RAP1GDS1: variants seen among roughly 807,000 people sequenced by gnomAD.
RAP1GDS1 encodes the protein RAP1, GTP-GDP dissociation stimulator 1.
RAP1GDS1 carries 35 observed loss-of-function variants against 71.1 expected under a neutral mutation model. The ratio of observed to expected loss-of-function variants is 0.49; its 90% CI spans 0.38 to 0.65. RAP1GDS1 has a LOEUF of 0.65. Among genes scored for constraint, RAP1GDS1 ranks in the 30% least tolerant of loss-of-function variants. The pLI, the probability that RAP1GDS1 is intolerant of heterozygous loss-of-function variation, is 0.00. For synonymous variants in RAP1GDS1, 229 were observed against 243.1 expected (o/e 0.94, Z 0.54); for missense variants, 663 against 706.1 (o/e 0.94, Z 0.69).
At chr4:98,313,244 T>G (rs1372465857) in intron 2 of RAP1GDS1, among the ~76,000 whole-genome samples, 1 of 152,102 alleles carries the variant, frequency 6.6e-6, no homozygotes, top group African/African-American at 2.4e-5. Flanking sequence ...GTAAGGTGTG[T>G]TGTTTATTCT....
intron 14 of RAP1GDS1, among the ~76,000 whole-genome samples, chr4:98,438,831 G>A (rs540159734): frequency 4.6e-5 from 7 of 151,814 alleles, no homozygotes; most frequent in African/African-American, 1.4e-4. Context: ...CTGACCACCC[G>A]TCAGGGTGAT....
intron 2 of RAP1GDS1, 149 bp downstream of exon 2, chr4:98,293,664 A>G (rs1727286645): frequency 1.5e-6 from 1 of 657,990 alleles, no homozygotes; most frequent in Non-Finnish European, 2.6e-6. Context: ...ATTGTTTTAC[A>G]TGTTCTACCC....
At chr4:98,426,074 C>G (rs1749565732) in intron 12 of RAP1GDS1, among the ~76,000 whole-genome samples, 2 of 152,044 alleles carry the variant, frequency 1.3e-5, no homozygotes, top group African/African-American at 4.8e-5. Flanking sequence ...CAAAAGGAAC[C>G]TTCAAAGCCA....
At chr4:98,396,403 G>C (rs146081850) in intron 6 of RAP1GDS1, 7 of 152,286 alleles carry the variant, frequency 4.6e-5, no homozygotes, top group African/African-American at 1.7e-4. Flanking sequence ...GATTTCTCTG[G>C]TATACAGGGA....
At chr4:98,367,910 G>A (rs1739759506) in intron 4 of RAP1GDS1, among the ~76,000 whole-genome samples, 1 of 152,142 alleles carries the variant, frequency 6.6e-6, no homozygotes, top group Admixed American at 6.5e-5. Flanking sequence ...TTGGACTGTG[G>A]ACTTTTGAGT....
chr4:98,420,250 A>G lies in RAP1GDS1; in HGVS notation c.1300+106A>G, dbSNP rs1748623563. On this transcript the variant is annotated intron_variant, in intron 11 of 14. Transcript: ENST00000408927. ...AGCTTTTAGGATTATGTAATCATAAAAAATAGCAAATAAAAGATTTAAAAG... is the reference window on the plus strand; with the variant it reads ...AGCTTTTAGGATTATGTAATCATAAGAAATAGCAAATAAAAGATTTAAAAG... 5.4e-6 allele frequency: 6 copies of G among 1,110,902 alleles called. 1 individual carries two copies. The Admixed American group carries it at 1.3e-4, about 24-fold the overall frequency. 68.8% of individuals were successfully genotyped at this position (1,110,902 alleles called of 1,614,324 possible).
chr4:98,378,865 G>T lies in RAP1GDS1; in HGVS notation c.362-152G>T, dbSNP rs374682257. The T allele has an allele frequency of 2.0e-3, 1,366 of 698,010 alleles. 99 individuals are homozygous for T. Among genetic ancestry groups the T allele is most frequent in the Middle Eastern group, 9.4e-3 (22 of 2,330 alleles). The allele number at this position is 698,010 out of a possible 1,614,324, so 43.2% of individuals were successfully genotyped here. ...CCCCATTTCCATGTTTATTTCTTTT[G>T]TTTTTTTCTGAAAAGACATATTTAA... On this transcript the variant is annotated intron_variant, in intron 4 of 14. Coordinates refer to ENST00000408927, the MANE Select transcript of RAP1GDS1 (RefSeq NM_001100427.2).
At chr4:98,353,213 A>G (rs1737476607) in intron 4 of RAP1GDS1, among the ~76,000 whole-genome samples, 1 of 152,204 alleles carries the variant, frequency 6.6e-6, no homozygotes, top group South Asian at 2.1e-4. Context: ...CTTTCTACAT[A>G]TAAACAAAAT....
intron 2 of RAP1GDS1, among the ~76,000 whole-genome samples, chr4:98,319,944 C>A (rs1731544513): frequency 6.6e-6 from 1 of 152,118 alleles, no homozygotes; most frequent in Admixed American, 6.6e-5. Flanking sequence ...ACCAAACCCT[C>A]CTCTTCATCT....
chr4:98,275,261 AT>A (rs751053833), intron 1 of RAP1GDS1, among the ~76,000 whole-genome samples: 2 of 152,168 alleles, frequency 1.3e-5, no homozygotes, highest in East Asian at 3.9e-4. Context: ...TGCTTCTCTT[AT>A]TTTGACAGGA....
chr4:98,310,813 A>G (rs1730115413), intron 2 of RAP1GDS1, among the ~76,000 whole-genome samples: 2 of 152,162 alleles, frequency 1.3e-5, no homozygotes. Flanking sequence ...TATTGCTAAA[A>G]AAAAAAGATT....
intron 2 of RAP1GDS1, among the ~76,000 whole-genome samples, chr4:98,341,801 T>C (rs1223725565): frequency 4.6e-5 from 7 of 152,134 alleles, no homozygotes; most frequent in Non-Finnish European, 8.8e-5. Context: ...TGGAGTGTTA[T>C]CATTCCTTAA....
chr4:98,313,903 C>A (rs535712733), intron 2 of RAP1GDS1, among the ~76,000 whole-genome samples: 1 of 152,194 alleles, frequency 6.6e-6, no homozygotes, highest in South Asian at 2.1e-4. Context: ...TGAAATAAAC[C>A]TCACAAGGAG....
chr4:98,349,905 A>G (rs541583788), intron 3 of RAP1GDS1, among the ~76,000 whole-genome samples: 2 of 152,246 alleles, frequency 1.3e-5, no homozygotes, highest in South Asian at 2.1e-4. Flanking sequence ...AGCGAGGACT[A>G]CCACTCTTTG....
intron 6 of RAP1GDS1, among the ~76,000 whole-genome samples, chr4:98,395,771 T>C (rs1186625090): frequency 2.6e-5 from 4 of 152,194 alleles, no homozygotes; most frequent in African/African-American, 9.6e-5. Flanking sequence ...TGGATAGTGC[T>C]TGCCACATAT....
chr4:98,306,531 CACAGCACCCACTATGTCCTGAATGTGTT>C (rs1420023624), intron 2 of RAP1GDS1, among the ~76,000 whole-genome samples: 1 of 152,138 alleles, frequency 6.6e-6, no homozygotes, highest in African/African-American at 2.4e-5. Flanking sequence ...ACATTTAAAC[CACAGCACCCACTATGTCCTGAATGTGTT>C]CAAGAATATA....
At chr4:98,305,282 A>G (rs60470511) in intron 2 of RAP1GDS1, among the ~76,000 whole-genome samples, 2,942 of 152,170 alleles carry the variant, frequency 0.019, 101 homozygotes, top group African/African-American at 0.067. Flanking sequence ...TTTCATGCTA[A>G]TTGATTCTTC....
chr4:98,404,728 A>C, intron 7 of RAP1GDS1, 126 bp downstream of exon 7: 1 of 1,184,472 alleles, frequency 8.4e-7, no homozygotes, highest in Non-Finnish European at 1.2e-6. Flanking sequence ...TTTATTTTGC[A>C]TATCTCTAAC....
At chr4:98,350,915 C>T (rs1737090134) in intron 3 of RAP1GDS1, among the ~76,000 whole-genome samples, 1 of 152,118 alleles carries the variant, frequency 6.6e-6, no homozygotes, top group Non-Finnish European at 1.5e-5. Context: ...AGGCTGAGGT[C>T]AGGGAGGATC....
Sources: allele counts gnomAD v4.1 joint callset (sites outside exome capture counted in the v4.1 genomes callset), GRCh38; gene constraint gnomAD v4.1.1; transcripts MANE v1.5; gene names NCBI Gene and HGNC (gene_info 2026-07-23, HGNC 2026-07-21).